Variants in SIRT2 observed in about 807,000 individuals in gnomAD.
The protein encoded by SIRT2 is sirtuin 2, also known as NAD-dependent protein deacetylase sirtuin-2.
A neutral mutation model predicts 57.4 loss-of-function variants in SIRT2; 40 were observed. That is an observed-to-expected ratio of 0.70 (90% confidence interval 0.54 to 0.91). The LOEUF is 0.91. Among genes scored for constraint, SIRT2 ranks in the 40% least tolerant of loss-of-function variants. The pLI, the probability that SIRT2 is intolerant of heterozygous loss-of-function variation, is 0.00. For synonymous variants in SIRT2, 161 were observed against 195.7 expected (o/e 0.82, Z 1.48); for missense variants, 439 against 510.4 (o/e 0.86, Z 1.35).
At chr19:38,881,408 G>T (rs754354339) in intron 10 of SIRT2, 24 bp downstream of exon 10, 19 of 1,612,038 alleles carry the variant, frequency 1.2e-5, no homozygotes, top group South Asian at 9.9e-5. Flanking sequence ...ATCCACCTGG[G>T]CAGGTCCCTG....
chr19:38,889,804 G>A, intron 6 of SIRT2, 51 bp downstream of exon 6: 1 of 1,613,508 alleles, frequency 6.2e-7, no homozygotes, highest in Non-Finnish European at 8.5e-7. Flanking sequence ...TTGGAGCCAG[G>A]TGACCCCATC....
intron 8 of SIRT2, among the ~76,000 whole-genome samples, chr19:38,888,579 C>T (rs1244538531): frequency 6.6e-6 from 1 of 152,182 alleles, no homozygotes; most frequent in Non-Finnish European, 1.5e-5. Flanking sequence ...GGCTAAGCAC[C>T]TGACGTGTAC....
At position 38,879,290 on chromosome 19, in the gene SIRT2, G is replaced by C. The variant is rs143462028; in HGVS notation, c.1035C>G (p.Val345=). 9 of 1,613,382 alleles carry C rather than the reference G, an allele frequency of 5.6e-6. 1 individual carries two copies. Among genetic ancestry groups the C allele is most frequent in the Non-Finnish European group, 6.8e-6 (8 of 1,179,878 alleles). The change falls in exon 16 of 16, where the codon GTC becomes GTG. Residue 345 remains valine (V), a synonymous_variant. Coordinates refer to ENST00000249396, the MANE Select transcript of SIRT2 (RefSeq NM_012237.4). The part of the protein sequence containing the change: ...LGWKKELEDL[V]RREHASIDAQ... The stretch of plus-strand genomic sequence containing the variant: ...CATCTATGCTGGCGTGCTCCCTCCG[G>C]ACAAGGTCCTCCAGCTCCTTCTGCA...
At chr19:38,888,580 T>C (rs1973416252) in intron 8 of SIRT2, among the ~76,000 whole-genome samples, 1 of 152,198 alleles carries the variant, frequency 6.6e-6, no homozygotes, top group South Asian at 2.1e-4. Flanking sequence ...GCTAAGCACC[T>C]GACGTGTACG....
intron 9 of SIRT2, among the ~76,000 whole-genome samples, chr19:38,882,136 C>T (rs960644642): frequency 6.6e-6 from 1 of 151,974 alleles, no homozygotes; most frequent in African/African-American, 2.4e-5. Flanking sequence ...CCTGCCTTAG[C>T]CTCCCGAGTA....
rs202102362 is a variant in SIRT2, at chr19:38,889,791, G to A, written c.376-46C>T. 13 of 1,613,884 alleles carry A rather than the reference G, an allele frequency of 8.1e-6. No individual in the cohort carries two copies. In the African/African-American group the frequency reaches 1.3e-4, roughly 17 times the overall value. On this transcript the variant is annotated intron_variant, in intron 6 of 15. Transcript: ENST00000249396. ...GGGCCAGATGCCCCAGGTAGCGTGA[G>A]GGTTGGAGCCAGGTGACCCCATCCC...
At chr19:38,879,411 G>C (rs1286508750) in intron 15 of SIRT2, 23 bp downstream of exon 15, 1 of 1,588,502 alleles carries the variant, frequency 6.3e-7, no homozygotes, top group Admixed American at 1.8e-5. Flanking sequence ...CTCAGGACAG[G>C]CTGGGGTTGC....
At chr19:38,895,292 C>T (rs919887280) in intron 2 of SIRT2, among the ~76,000 whole-genome samples, 3 of 152,256 alleles carry the variant, frequency 2.0e-5, no homozygotes, top group South Asian at 2.1e-4. Flanking sequence ...TGGGTCAGCT[C>T]GCCCCTCTCC....
Position 38,889,532 on chromosome 19 carries a change from G to C in SIRT2, c.432+157C>G. ...CGGAGGCTCAAGGTCGTAAGATGAA[G>C]ACACGAGGAACCAGGACTTGAACCG... On this transcript the variant is annotated intron_variant, in intron 7 of 15. Coordinates refer to ENST00000249396, the MANE Select transcript of SIRT2 (RefSeq NM_012237.4). 5 of 780,754 alleles carry C rather than the reference G, an allele frequency of 6.4e-6. No individual in the cohort carries two copies. In the South Asian group the frequency reaches 8.4e-5, roughly 13 times the overall value. The allele number at this position is 780,754 out of a possible 1,614,324, so 48.4% of individuals were successfully genotyped here. A position where few individuals can be genotyped will look rare whatever the true frequency, so the allele number is the denominator to read the frequency against.
intron 2 of SIRT2, 38 bp downstream of exon 2, chr19:38,898,341 C>T (rs199638442): frequency 6.4e-6 from 9 of 1,408,744 alleles, no homozygotes; most frequent in Admixed American, 4.6e-5. Context: ...GGAACAAGTC[C>T]GTCTCTCTCC....
At chr19:38,884,392 G>A (rs562815491) in intron 8 of SIRT2, among the ~76,000 whole-genome samples, 1 of 152,342 alleles carries the variant, frequency 6.6e-6, no homozygotes, top group East Asian at 1.9e-4. Context: ...GGCAGCTCTA[G>A]GCAAGCATTA....
chr19:38,898,505 G>T, intron 1 of SIRT2, 80 bp from the exon 2 acceptor site: 1 of 683,712 alleles, frequency 1.5e-6, no homozygotes, highest in Non-Finnish European at 2.3e-6. Context: ...GTCAGTGAGG[G>T]GGCAAGAACA....
At chr19:38,890,059 C>T in intron 5 of SIRT2, 44 bp downstream of exon 5, 1 of 1,613,672 alleles carries the variant, frequency 6.2e-7, no homozygotes, top group Non-Finnish European at 8.5e-7. Context: ...GGGAGGGACT[C>T]CCCAGTTCCT....
chr19:38,885,838 C>T (rs1355869465), intron 8 of SIRT2, among the ~76,000 whole-genome samples: 1 of 151,980 alleles, frequency 6.6e-6, no homozygotes, highest in Admixed American at 6.6e-5. Context: ...ATCTGCCCAC[C>T]TCAGCCTCCC....
In SIRT2 at chr19:38,879,046, G is replaced by T; in HGVS notation, c.*109C>A. On this transcript the variant is annotated 3_prime_UTR_variant, in exon 16 of 16. Coordinates refer to ENST00000249396, the MANE Select transcript of SIRT2 (RefSeq NM_012237.4). ...GGGGAGGGAGCTGTAAGAGATTGGG[G>T]GATGTTCTGAGCTCCCCAGACAAGA... The T allele has an allele frequency of 8.4e-7, 1 of 1,196,472 alleles. No individual in the cohort carries two copies. Among genetic ancestry groups the T allele is most frequent in the Non-Finnish European group, 1.2e-6 (1 of 869,490 alleles). The allele number at this position is 1,196,472 out of a possible 1,614,324, so 74.1% of individuals were successfully genotyped here.
At chr19:38,890,861 T>A (rs2144691793) in intron 4 of SIRT2, among the ~76,000 whole-genome samples, 1 of 152,258 alleles carries the variant, frequency 6.6e-6, no homozygotes, top group African/African-American at 2.4e-5. Context: ...CATCAGCTGA[T>A]AGACAGGCAC....
rs142521046 is a variant in SIRT2 at position 38,886,452 on chromosome 19, G to GT, written c.501+2634dup. On this transcript the variant is annotated intron_variant, in intron 8 of 15. Coordinates refer to ENST00000249396, the MANE Select transcript of SIRT2 (RefSeq NM_012237.4). ...CGTTCTGTTATTCTTTGACAACATG[G>GT]TTTTTTTTTTTTTTTCTTTTGACAG... 7.6e-3 allele frequency among the ~76,000 whole-genome samples: 1,074 copies of GT among 142,022 alleles called. 3 individuals are homozygous for GT. The highest frequency in any genetic ancestry group is 0.015 in the Middle Eastern group (4 of 274). 93.2% of individuals were successfully genotyped at this position (142,022 alleles called of 152,430 possible). A position where few individuals can be genotyped will look rare whatever the true frequency, so the allele number is the denominator to read the frequency against.
At chr19:38,897,906 A>G (rs1044986443) in intron 2 of SIRT2, among the ~76,000 whole-genome samples, 3 of 151,908 alleles carry the variant, frequency 2.0e-5, no homozygotes, top group African/African-American at 7.3e-5. Flanking sequence ...TGATGCAATC[A>G]TAGCTCACTG....
chr19:38,890,072 G>A, intron 5 of SIRT2, 31 bp downstream of exon 5: 2 of 1,614,054 alleles, frequency 1.2e-6, no homozygotes, highest in Non-Finnish European at 1.7e-6. Context: ...CAGTTCCTGG[G>A]GGTAGCTGCT....
Sources: allele counts gnomAD v4.1 joint callset (sites outside exome capture counted in the v4.1 genomes callset), GRCh38; gene constraint gnomAD v4.1.1; transcripts MANE v1.5; gene names NCBI Gene and HGNC (gene_info 2026-07-23, HGNC 2026-07-21).